MKLN1: variants seen among roughly 807,000 people sequenced by gnomAD.
MKLN1 encodes the protein muskelin 1, also known as muskelin.
In MKLN1, 18 loss-of-function variants were observed where a neutral mutation model predicts 99.0. That is an observed-to-expected ratio of 0.18 (90% CI 0.13 to 0.27). MKLN1 has a LOEUF of 0.27. Among genes scored for constraint, MKLN1 ranks in the 10% least tolerant of loss-of-function variants. The probability of loss-of-function intolerance (pLI) is 1.00; values close to 1 mark genes in which losing one functional copy is unlikely to be tolerated. For missense variants in MKLN1, 621 were observed against 875.9 expected (o/e 0.71, Z 3.67); for synonymous variants, 288 against 293.2 (o/e 0.98, Z 0.18).
At chr7:131,477,998 A>G (rs1464467552) in intron 16 of MKLN1, among the ~76,000 whole-genome samples, 2 of 152,176 alleles carry the variant, frequency 1.3e-5, no homozygotes, top group African/African-American at 4.8e-5. Context: ...TCATTGTTCA[A>G]TTACATTGTC....
intron 8 of MKLN1, among the ~76,000 whole-genome samples, chr7:131,420,982 G>A (rs1282465238): frequency 6.6e-6 from 1 of 152,158 alleles, no homozygotes; most frequent in Non-Finnish European, 1.5e-5. Flanking sequence ...AATATTTTCT[G>A]TGGTGGATCT....
chr7:131,270,491 G>A (rs1563273814), intron 3 of MKLN1, among the ~76,000 whole-genome samples: 1 of 152,226 alleles, frequency 6.6e-6, no homozygotes, highest in Non-Finnish European at 1.5e-5. Context: ...AAAATACTGG[G>A]ATTATAGGCC....
intron 4 of MKLN1, among the ~76,000 whole-genome samples, chr7:131,392,297 T>C (rs1233133537): frequency 6.6e-6 from 1 of 151,984 alleles, no homozygotes; most frequent in African/African-American, 2.4e-5. Context: ...GCCTGGATGA[T>C]TGTGGAGACT....
intron 10 of MKLN1, among the ~76,000 whole-genome samples, chr7:131,440,590 T>C (rs1795810058): frequency 6.6e-6 from 1 of 152,038 alleles, no homozygotes; most frequent in African/African-American, 2.4e-5. Flanking sequence ...ATTACCCCTT[T>C]CAGAAATGAA....
chr7:131,464,478 T>A, intron 14 of MKLN1, 70 bp downstream of exon 14: 1 of 858,840 alleles, frequency 1.2e-6, no homozygotes, highest in Non-Finnish European at 1.9e-6. Context: ...AATATATCTT[T>A]GATTGTTTTA....
intron 5 of MKLN1, among the ~76,000 whole-genome samples, chr7:131,398,396 G>A (rs1436629136): frequency 6.6e-6 from 1 of 152,044 alleles, no homozygotes; most frequent in East Asian, 1.9e-4. Context: ...TTCAGGCTTA[G>A]AAAACAATTA....
chr7:131,224,414 C>T (rs150865154), intron 3 of MKLN1, among the ~76,000 whole-genome samples: 21,914 of 151,924 alleles, frequency 0.14, 1,860 homozygotes, highest in South Asian at 0.25. Context: ...GGCGTGGTGG[C>T]GAGTGCCTGT....
chr7:131,165,123 C>T (rs1563237407), intron 2 of MKLN1, among the ~76,000 whole-genome samples: 2 of 151,786 alleles, frequency 1.3e-5, no homozygotes, highest in Non-Finnish European at 2.9e-5. Context: ...TATTTGGGAT[C>T]CCGGAAGTGT....
chr7:131,188,703 G>A (rs1796488973), intron 2 of MKLN1, among the ~76,000 whole-genome samples: 1 of 152,234 alleles, frequency 6.6e-6, no homozygotes, highest in Non-Finnish European at 1.5e-5. Context: ...TTGATGGGAG[G>A]AGCTGCAAAG....
chr7:131,414,470 T>G (rs978158162), intron 7 of MKLN1, among the ~76,000 whole-genome samples, 175 bp from the exon 8 acceptor site: 2 of 152,160 alleles, frequency 1.3e-5, no homozygotes, highest in African/African-American at 4.8e-5. Flanking sequence ...AACAAGATTA[T>G]TATAAACACA....
At chr7:131,433,716 A>G in intron 9 of MKLN1, among the ~76,000 whole-genome samples, 1 of 152,296 alleles carries the variant, frequency 6.6e-6, no homozygotes, top group South Asian at 2.1e-4. Context: ...CTTCTTAACC[A>G]ATATGACACT....
chr7:131,299,037 T>C (rs939072206), intron 3 of MKLN1, among the ~76,000 whole-genome samples: 1 of 152,134 alleles, frequency 6.6e-6, no homozygotes, highest in Non-Finnish European at 1.5e-5. Context: ...TTAAAACTTT[T>C]GAAAGAGGAT....
At chr7:131,387,072 A>T in intron 2 of MKLN1, 48 bp from the exon 3 acceptor site, 1 of 1,518,136 alleles carries the variant, frequency 6.6e-7, no homozygotes, top group East Asian at 2.3e-5. Context: ...GTTGTCTAAC[A>T]TTTGTTTTAA....
chr7:131,224,872 G>A (rs1797118769), intron 3 of MKLN1, among the ~76,000 whole-genome samples: 1 of 151,536 alleles, frequency 6.6e-6, no homozygotes, highest in African/African-American at 2.4e-5. Flanking sequence ...AGGAAATCGA[G>A]ACCATCCTGG....
intron 1 of MKLN1, among the ~76,000 whole-genome samples, chr7:131,352,864 A>T (rs1414911589): frequency 6.6e-6 from 1 of 152,080 alleles, no homozygotes; most frequent in Non-Finnish European, 1.5e-5. Context: ...AAACATTTGC[A>T]TGGTTTCAGA....
At chr7:131,393,557 T>A (rs1271903733) in intron 4 of MKLN1, among the ~76,000 whole-genome samples, 1 of 152,236 alleles carries the variant, frequency 6.6e-6, no homozygotes, top group Non-Finnish European at 1.5e-5. Flanking sequence ...CTAGAAATAT[T>A]TCTATTGGAC....
At chr7:131,433,411 C>T (rs572604751) in intron 9 of MKLN1, among the ~76,000 whole-genome samples, 1 of 152,118 alleles carries the variant, frequency 6.6e-6, no homozygotes, top group Non-Finnish European at 1.5e-5. Context: ...AGGAGATGCC[C>T]ACCAGATTTG....
At chr7:131,419,396 G>A (rs954485970) in intron 8 of MKLN1, among the ~76,000 whole-genome samples, 3 of 150,638 alleles carry the variant, frequency 2.0e-5, no homozygotes, top group South Asian at 2.1e-4. Context: ...GATTACAGGC[G>A]CCCGCCCAGC....
rs183789071 is a variant in MKLN1 at position 131,343,265 on chromosome 7, T to G, written c.98+15268T>G. Among the ~76,000 whole-genome samples, 46 of 152,334 alleles carry G rather than the reference T, an allele frequency of 3.0e-4. No individual in the cohort carries two copies. The East Asian group carries it at 8.5e-3, about 28-fold the overall frequency. On this transcript the variant is annotated intron_variant, in intron 1 of 17. Transcript: ENST00000352689. The stretch of plus-strand genomic sequence containing the variant: ...GGAGATTGACTAGTGTAGCACGTCA[T>G]AACCAGAAAGATACTTGGAGGTAGA...
Sources: allele counts gnomAD v4.1 joint callset (sites outside exome capture counted in the v4.1 genomes callset), GRCh38; gene constraint gnomAD v4.1.1; transcripts MANE v1.5; gene names NCBI Gene and HGNC (gene_info 2026-07-23, HGNC 2026-07-21).